Variants in SLC2A10 observed in about 807,000 individuals in gnomAD.
The protein encoded by SLC2A10 is solute carrier family 2, facilitated glucose transporter member 10.
In SLC2A10, 25 loss-of-function variants were observed where a neutral mutation model predicts 32.1. The observed-to-expected ratio is 0.78, with a 90% CI of 0.57 to 1.09. The LOEUF (loss-of-function observed/expected upper bound fraction) is 1.09. SLC2A10 is among the 50% of genes least tolerant of loss of function. SLC2A10 has a pLI of 0.00. For synonymous variants in SLC2A10, 332 were observed against 309.6 expected, an observed-to-expected ratio of 1.07 and a Z score of -0.76; for missense variants, 673 against 686.5, an observed-to-expected ratio of 0.98 and a Z score of 0.22.
intron 3 of SLC2A10, among the ~76,000 whole-genome samples, 180 bp downstream of exon 3, chr20:46,727,166 G>A (rs1568987376): frequency 1.3e-5 from 2 of 152,108 alleles, no homozygotes; most frequent in Non-Finnish European, 2.9e-5. Context: ...CCCCAGGCCA[G>A]CTAATGGGTG....
chr20:46,715,233 C>CGTTTGTTTGTTTGTTTGTTTGTTT (rs11472342), intron 1 of SLC2A10, among the ~76,000 whole-genome samples: 5 of 151,138 alleles, frequency 3.3e-5, no homozygotes, highest in Non-Finnish European at 5.9e-5. Flanking sequence ...TTTTATTTCA[C>CGTTTGTTTGTTTGTTTGTTTGTTT]GTTTGTTTGT....
chr20:46,733,963 C>A lies in SLC2A10; in HGVS notation c.*129C>A. 1.2e-6 allele frequency: 1 copy of A among 832,176 alleles called. No homozygotes were observed. The highest frequency in any genetic ancestry group is 2.0e-6 in the Non-Finnish European group (1 of 499,524). 51.5% of individuals were successfully genotyped at this position (832,176 alleles called of 1,614,324 possible). ...AGTGGCCCCTGCCCCCAAAGGTGGT[C>A]TGCTTTTGCTGGGGTAAAAAGGATG... On this transcript the variant is annotated 3_prime_UTR_variant, in exon 5 of 5. Coordinates refer to ENST00000359271, the MANE Select transcript of SLC2A10 (RefSeq NM_030777.4).
chr20:46,710,455 A>G (rs1434286428), intron 1 of SLC2A10: 1 of 159,930 alleles, frequency 6.3e-6, no homozygotes, highest in African/African-American at 2.4e-5. Flanking sequence ...ATTCTGATTG[A>G]GCAGCTGGGT....
At chr20:46,709,375 G>A (rs1275607769), upstream of SLC2A10, 2 of 364,416 alleles carry the variant, frequency 5.5e-6, no homozygotes, top group Non-Finnish European at 9.8e-6. Flanking sequence ...GTGCGTGTGG[G>A]GTCTTCTACC....
chr20:46,726,236 G>A lies in SLC2A10; in HGVS notation c.1200G>A (p.Leu400=), dbSNP rs746337332. Residue 400 remains leucine, a synonymous_variant, in exon 2 of 5, where the codon CTG becomes CTA. Transcript: ENST00000359271. ...GCTCTGCCCTCCCTGGGCCCCCTCT[G>A]CCCGCTCGGGGGCATGCACTGCTGC... ...ALSSALPGPP[L]PARGHALLRW... 2 of 1,613,798 alleles carry A rather than the reference G, an allele frequency of 1.2e-6. No individual in the cohort carries two copies. Among genetic ancestry groups the A allele is most frequent in the South Asian group, 1.1e-5 (1 of 91,084 alleles).
chr20:46,719,307 T>C (rs2123023115), intron 1 of SLC2A10, among the ~76,000 whole-genome samples: 1 of 152,314 alleles, frequency 6.6e-6, no homozygotes, highest in East Asian at 1.9e-4. Flanking sequence ...CTTCCTCTTA[T>C]TCTCTTAGCA....
chr20:46,723,831 C>A (rs1270744309), intron 1 of SLC2A10, among the ~76,000 whole-genome samples: 1 of 152,218 alleles, frequency 6.6e-6, no homozygotes, highest in Non-Finnish European at 1.5e-5. Context: ...TGTTATGTGA[C>A]CATGAGAAAG....
Position 46,726,899 on chromosome 20 carries a change from G to C in SLC2A10, c.1324G>C (p.Glu442Gln), listed in dbSNP as rs143265363. 37 of 1,613,994 alleles carry C rather than the reference G, an allele frequency of 2.3e-5. No individual in the cohort carries two copies. In the African/African-American group the frequency reaches 4.0e-4, roughly 17 times the overall value. The change falls in exon 3 of 5, where the codon GAG (glutamate) becomes CAG (glutamine). Residue 442 changes from glutamate to glutamine, a missense_variant. Glu to Gln is a conservative substitution (Grantham distance 29). Transcript: ENST00000359271. ...WLVLSEIYPV[E>Q]IRGRAFAFCN... ...TGTCCTCAGCGAGATCTACCCTGTG[G>C]AGATACGAGGAAGAGCCTTCGCCTT...
Position 46,734,240 on chromosome 20 carries a change from T to C in SLC2A10, c.*406T>C. 2 of 231,308 alleles carry C rather than the reference T, an allele frequency of 8.6e-6. No homozygotes were observed. The highest frequency in any genetic ancestry group is 1.2e-4 in the South Asian group (2 of 16,256). 14.3% of individuals were successfully genotyped at this position (231,308 alleles called of 1,614,324 possible). A position where few individuals can be genotyped will look rare whatever the true frequency, so the allele number is the denominator to read the frequency against. ...GATATCATCTTTTCTAATCTCTTTT[T>C]TCAACTGGCTGGGACATTTTCGGAA... On this transcript the variant is annotated 3_prime_UTR_variant, in exon 5 of 5. Coordinates refer to ENST00000359271, the MANE Select transcript of SLC2A10 (RefSeq NM_030777.4).
chr20:46,709,456 G>T, upstream of SLC2A10: 1 of 438,396 alleles, frequency 2.3e-6, no homozygotes, highest in Non-Finnish European at 4.0e-6. Context: ...GGAGATGGCG[G>T]GTGGGGGCCC....
chr20:46,709,625 A>T, upstream of SLC2A10: 1 of 1,368,210 alleles, frequency 7.3e-7, no homozygotes, highest in South Asian at 1.4e-5. Context: ...GGAGGGACAG[A>T]GGCGGGGGCG....
rs536925596 is a variant in SLC2A10, at chr20:46,727,446, G to A, written c.1411+460G>A. On this transcript the variant is annotated intron_variant, in intron 3 of 4. Coordinates refer to ENST00000359271, the MANE Select transcript of SLC2A10 (RefSeq NM_030777.4). ...AACTATTCTCCTGCCTCAGTCTCCC[G>A]AGTAGCTGGGACTACAGGCACCCGC... Among the ~76,000 whole-genome samples the A allele has an allele frequency of 1.0e-3, 154 of 152,046 alleles. 5 individuals are homozygous for A. The South Asian group carries it at 0.03, about 30-fold the overall frequency.
At chr20:46,722,145 A>G (rs1200354319) in intron 1 of SLC2A10, among the ~76,000 whole-genome samples, 1 of 152,180 alleles carries the variant, frequency 6.6e-6, no homozygotes, top group Non-Finnish European at 1.5e-5. Flanking sequence ...AAAAAAAACC[A>G]GATCTGGCAG....
At chr20:46,726,577 T>G (rs1463186931) in intron 2 of SLC2A10, among the ~76,000 whole-genome samples, 1 of 152,218 alleles carries the variant, frequency 6.6e-6, no homozygotes, top group African/African-American at 2.4e-5. Context: ...AAAGCCCGGA[T>G]AGCTCACAAC....
In SLC2A10 at chr20:46,719,765, G is replaced by C. The variant is rs111559430; in HGVS notation, c.5-5276G>C. ...CTTAATCAAGTCTGGCATTGGGCAG[G>C]ACTGCTACAGGTGGTAACAGCAATC... is the stretch of plus-strand genomic sequence containing the variant. On this transcript the variant is annotated intron_variant, in intron 1 of 4. Transcript: ENST00000359271. 6.0e-4 allele frequency among the ~76,000 whole-genome samples: 92 copies of C among 152,306 alleles called. 4 individuals are homozygous for C. The highest frequency in any genetic ancestry group is 3.4e-3 in the Middle Eastern group (1 of 294).
chr20:46,730,041 A>T (rs571086766), intron 4 of SLC2A10, among the ~76,000 whole-genome samples: 1 of 152,194 alleles, frequency 6.6e-6, no homozygotes, highest in Non-Finnish European at 1.5e-5. Flanking sequence ...GGGATTTAAA[A>T]ATCATTTGAT....
Position 46,725,716 on chromosome 20 carries a change from A to G in SLC2A10, c.680A>G (p.Asn227Ser), listed in dbSNP as rs959288629. The change falls in exon 2 of 5, where the codon AAC becomes AGC. Residue 227 changes from asparagine (N) to serine (S), a missense_variant. Physicochemically the swap from Asn to Ser is conservative, Grantham distance 46. Transcript: ENST00000359271. Reference sequence around the variant, plus strand: ...CTGGACCTCTTCAGGGCACGCGATAACATGCGAGGCCGGACCACAGTGGGC... The same window carrying G: ...CTGGACCTCTTCAGGGCACGCGATAGCATGCGAGGCCGGACCACAGTGGGC... ...SFLDLFRARD[N>S]MRGRTTVGLG... The G allele has an allele frequency of 3.7e-6, 6 of 1,613,984 alleles. No homozygotes were observed. The African/African-American group carries it at 6.7e-5, about 18-fold the overall frequency.
intron 4 of SLC2A10, among the ~76,000 whole-genome samples, chr20:46,730,988 C>A (rs568633714): frequency 6.6e-6 from 1 of 152,322 alleles, no homozygotes; most frequent in African/African-American, 2.4e-5. Flanking sequence ...AATGTAAGAA[C>A]CTGTGACCCA....
intron 3 of SLC2A10, 152 bp downstream of exon 3, chr20:46,727,138 C>T: frequency 9.3e-7 from 1 of 1,071,096 alleles, no homozygotes; most frequent in South Asian, 1.3e-5. Context: ...CCAGGACCCT[C>T]ATATGCACTG....
Sources: gnomAD v4.1 joint callset for allele counts (sites outside exome capture counted in the v4.1 genomes callset) on GRCh38, gnomAD v4.1.1 for gene constraint, MANE v1.5 for transcripts, NCBI Gene and HGNC (gene_info 2026-07-23, HGNC 2026-07-21) for gene names.